The following ASIC2 variants were observed in gnomAD, a reference collection of about 807,000 sequenced individuals.
ASIC2 encodes acid sensing ion channel subunit 2.
Under a neutral mutation model 57.3 loss-of-function variants are expected in ASIC2, and 25 were observed. The ratio of observed to expected loss-of-function variants is 0.44; its 90% CI spans 0.32 to 0.61. ASIC2 has a LOEUF of 0.61. ASIC2 is among the 20% of genes least tolerant of loss of function. The pLI, the probability that ASIC2 is intolerant of heterozygous loss-of-function variation, is 0.06. For missense variants in ASIC2, 641 were observed against 738.1 expected, an observed-to-expected ratio of 0.87 and a Z score of 1.52; for synonymous variants, 319 against 307.5, an observed-to-expected ratio of 1.04 and a Z score of -0.39.
intron 1 of ASIC2, among the ~76,000 whole-genome samples, chr17:33,551,585 C>T (rs1311350036): frequency 6.6e-6 from 1 of 152,180 alleles, no homozygotes; most frequent in African/African-American, 2.4e-5. Flanking sequence ...ATAGCTTGGT[C>T]TTCCATCCTA....
At chr17:33,448,169 G>A (rs1339318528) in intron 1 of ASIC2, among the ~76,000 whole-genome samples, 5 of 152,028 alleles carry the variant, frequency 3.3e-5, no homozygotes, top group Admixed American at 6.6e-5. Context: ...TGCCTCCTAC[G>A]TCTCTTTATG....
At chr17:33,471,493 G>A (rs915306090) in intron 1 of ASIC2, among the ~76,000 whole-genome samples, 27 of 152,104 alleles carry the variant, frequency 1.8e-4, no homozygotes, top group Admixed American at 1.1e-3. Flanking sequence ...GGATTTGATC[G>A]CCTGTACTTG....
chr17:33,051,468 T>G (rs1416964805), intron 3 of ASIC2, among the ~76,000 whole-genome samples: 1 of 152,148 alleles, frequency 6.6e-6, no homozygotes, highest in Admixed American at 6.5e-5. Flanking sequence ...GAATTCAAGT[T>G]TTGTCATTTC....
chr17:33,382,405 G>A (rs1909520586), intron 1 of ASIC2, among the ~76,000 whole-genome samples: 1 of 152,124 alleles, frequency 6.6e-6, no homozygotes, highest in South Asian at 2.1e-4. Flanking sequence ...TCTATCAGAA[G>A]GCTGGTGAAA....
At chr17:33,855,859 G>A (rs1913913650) in intron 1 of ASIC2, among the ~76,000 whole-genome samples, 1 of 152,164 alleles carries the variant, frequency 6.6e-6, no homozygotes, top group Non-Finnish European at 1.5e-5. Flanking sequence ...TAGCCAAACT[G>A]TGGCTCAGAT....
At position 33,288,618 on chromosome 17, in the gene ASIC2, G is replaced by A. The variant is rs539083723; in HGVS notation, c.708+2790C>T. Among the ~76,000 whole-genome samples the A allele has an allele frequency of 1.6e-4, 24 of 152,158 alleles. No individual in the cohort carries two copies. The South Asian group carries it at 4.4e-3, about 28-fold the overall frequency. On this transcript the variant is annotated intron_variant, in intron 1 of 9. Coordinates refer to ENST00000225823, the MANE Select transcript of ASIC2 (RefSeq NM_183377.2). ...GACAATGGGATGCAGGGTGTTGGCT[G>A]GGACAGAGCTTGAGGCCAAAAGACC...
At chr17:34,135,542 A>G (rs73282470) in intron 1 of ASIC2, among the ~76,000 whole-genome samples, 1 of 152,056 alleles carries the variant, frequency 6.6e-6, no homozygotes, top group Admixed American at 6.5e-5. Flanking sequence ...CGAGACCCAG[A>G]CATCTGTATT....
chr17:33,147,785 A>G (rs114801100), intron 1 of ASIC2, among the ~76,000 whole-genome samples: 36 of 152,328 alleles, frequency 2.4e-4, no homozygotes, highest in African/African-American at 8.4e-4. Context: ...ACCGTGGCAC[A>G]TCCATCACTT....
chr17:33,751,506 G>A (rs1431884376), intron 1 of ASIC2, among the ~76,000 whole-genome samples: 1 of 152,000 alleles, frequency 6.6e-6, no homozygotes, highest in East Asian at 1.9e-4. Context: ...TGAGGTCTGA[G>A]ACAGTAATTT....
At chr17:33,312,943 G>T (rs940151893) in intron 1 of ASIC2, among the ~76,000 whole-genome samples, 10 of 152,180 alleles carry the variant, frequency 6.6e-5, no homozygotes, top group African/African-American at 2.4e-4. Context: ...TCTCAAGAGA[G>T]TCAGTGTGGA....
intron 1 of ASIC2, among the ~76,000 whole-genome samples, chr17:33,628,533 T>C (rs1034741578): frequency 6.6e-6 from 1 of 152,020 alleles, no homozygotes; most frequent in Non-Finnish European, 1.5e-5. Flanking sequence ...TTGGCCTCAG[T>C]GATTCTCCTA....
intron 1 of ASIC2, among the ~76,000 whole-genome samples, chr17:33,305,069 A>T (rs185373301): frequency 2.0e-5 from 3 of 152,324 alleles, no homozygotes; most frequent in South Asian, 2.1e-4. Flanking sequence ...CACAAAATCC[A>T]TACTATTAAT....
chr17:34,155,738 C>A (rs1904693699), intron 1 of ASIC2: 4 of 512,112 alleles, frequency 7.8e-6, no homozygotes, highest in Non-Finnish European at 1.4e-5. Flanking sequence ...AAGTGATCCC[C>A]CACCGCAAGC....
chr17:34,124,685 G>T (rs1911723916), intron 1 of ASIC2, among the ~76,000 whole-genome samples: 1 of 152,136 alleles, frequency 6.6e-6, no homozygotes, highest in African/African-American at 2.4e-5. Context: ...TGCCAGCATG[G>T]TCAGGCTCTT....
chr17:33,790,078 A>G (rs12602856), intron 1 of ASIC2, among the ~76,000 whole-genome samples: 11,276 of 152,322 alleles, frequency 0.074, 462 homozygotes, highest in East Asian at 0.19. Context: ...CCTAATCAAA[A>G]TAGAAGTTTC....
chr17:34,110,364 G>C (rs568254815), intron 1 of ASIC2, among the ~76,000 whole-genome samples: 1 of 152,268 alleles, frequency 6.6e-6, no homozygotes, highest in East Asian at 1.9e-4. Flanking sequence ...AACAACTCTG[G>C]GAAGGCTGCC....
chr17:33,500,742 G>C (rs1035976586), intron 1 of ASIC2, among the ~76,000 whole-genome samples: 1 of 152,164 alleles, frequency 6.6e-6, no homozygotes, highest in Non-Finnish European at 1.5e-5. Flanking sequence ...GTGTCTAAAG[G>C]ATTATACCTT....
intron 1 of ASIC2, among the ~76,000 whole-genome samples, chr17:33,444,690 C>T (rs568711537): frequency 4.9e-4 from 75 of 152,146 alleles, no homozygotes; most frequent in African/African-American, 1.7e-3. Flanking sequence ...GAAGGGAATG[C>T]GGTAGGAGCC....
At chr17:33,467,560 T>G (rs1912907138) in intron 1 of ASIC2, among the ~76,000 whole-genome samples, 1 of 152,212 alleles carries the variant, frequency 6.6e-6, no homozygotes, top group South Asian at 2.1e-4. Context: ...TTATGTCTGA[T>G]AGGAAACATT....
Sources: gnomAD v4.1 joint callset for allele counts (sites outside exome capture counted in the v4.1 genomes callset) on GRCh38, gnomAD v4.1.1 for gene constraint, MANE v1.5 for transcripts, NCBI Gene and HGNC (gene_info 2026-07-23, HGNC 2026-07-21) for gene names.